C1orf87: variants seen among roughly 807,000 people sequenced by gnomAD.
The protein encoded by C1orf87 is uncharacterized protein C1orf87.
C1orf87 carries 58 observed loss-of-function variants against 60.5 expected under a neutral mutation model. That is an observed-to-expected ratio of 0.96 (90% CI 0.78 to 1.19). The LOEUF (loss-of-function observed/expected upper bound fraction) is 1.19, where lower values mean the gene tolerates loss of function less well. Among genes scored for constraint, C1orf87 ranks in the 50% most tolerant of loss-of-function variants. The pLI is 0.00. For missense variants in C1orf87, 673 were observed against 638.6 expected, an observed-to-expected ratio of 1.05 and a Z score of -0.58; for synonymous variants, 236 against 227.4, an observed-to-expected ratio of 1.04 and a Z score of -0.34.
intron 6 of C1orf87, 58 bp from the exon 7 acceptor site, chr1:60,033,699 A>C (rs1217793387): frequency 1.3e-6 from 2 of 1,545,376 alleles, no homozygotes; most frequent in Non-Finnish European, 1.8e-6. Context: ...AGGCAGCTGC[A>C]TGCTTTCCTA....
intron 11 of C1orf87, among the ~76,000 whole-genome samples, chr1:59,993,535 T>C (rs1200566733): frequency 2.6e-5 from 4 of 152,070 alleles, no homozygotes; most frequent in Non-Finnish European, 4.4e-5. Context: ...AAAATACATC[T>C]AGGAATCACA....
intron 2 of C1orf87, among the ~76,000 whole-genome samples, chr1:60,060,067 A>G (rs1408660591): frequency 6.6e-6 from 1 of 150,548 alleles, no homozygotes; most frequent in Non-Finnish European, 1.5e-5. Context: ...GTGTCAAAGT[A>G]TGAAGGTTTT....
Position 60,038,016 on chromosome 1 carries a change from TCA to T in C1orf87, c.837_838del (p.His282TrpfsTer4), listed in dbSNP as rs750451027. On this transcript the variant is annotated frameshift_variant, in exon 6 of 12. Transcript: ENST00000371201. LOFTEE classifies it high-confidence loss of function. Reference sequence around the variant, plus strand: ...CCTTTGGCTATGAGTGCCATGACTCTCAGTTTTTCTCAGGTCTGCAGCTGCTT... The same window carrying T: ...CCTTTGGCTATGAGTGCCATGACTCTGTTTTTCTCAGGTCTGCAGCTGCTT... 6.2e-7 allele frequency: 1 copy of T among 1,610,236 alleles called. No homozygotes were observed. The highest frequency in any genetic ancestry group is 8.5e-7 in the Non-Finnish European group (1 of 1,177,146).
intron 2 of C1orf87, among the ~76,000 whole-genome samples, chr1:60,070,518 T>A (rs555319758): frequency 1.3e-5 from 2 of 152,298 alleles, no homozygotes; most frequent in South Asian, 4.1e-4. Flanking sequence ...GGCGGCACTT[T>A]CCTTACCTGA....
At chr1:60,066,505 T>C (rs1197138509) in intron 2 of C1orf87, among the ~76,000 whole-genome samples, 1 of 152,116 alleles carries the variant, frequency 6.6e-6, no homozygotes, top group African/African-American at 2.4e-5. Context: ...AGAAATTCAG[T>C]CACATCTTCA....
intron 3 of C1orf87, among the ~76,000 whole-genome samples, chr1:60,050,702 T>A (rs1376022533): frequency 6.6e-6 from 1 of 152,110 alleles, no homozygotes; most frequent in South Asian, 2.1e-4. Flanking sequence ...CAGTGGGCAC[T>A]CTTAACTTCT....
chr1:60,053,890 C>T (rs144548184), intron 3 of C1orf87, among the ~76,000 whole-genome samples: 1 of 152,204 alleles, frequency 6.6e-6, no homozygotes, highest in African/African-American at 2.4e-5. Context: ...TCATCTATGC[C>T]ATGGTGGTAG....
intron 8 of C1orf87, among the ~76,000 whole-genome samples, chr1:60,020,163 T>A (rs1351940487): frequency 6.6e-6 from 1 of 152,178 alleles, no homozygotes; most frequent in African/African-American, 2.4e-5. Flanking sequence ...AAAAATAGTT[T>A]CGTGGGCTGG....
intron 3 of C1orf87, among the ~76,000 whole-genome samples, chr1:60,044,106 T>G (rs1645347967): frequency 6.6e-6 from 1 of 152,226 alleles, no homozygotes; most frequent in African/African-American, 2.4e-5. Flanking sequence ...CTCGGCTCAC[T>G]GCAAGCTCTG....
chr1:60,022,527 C>T (rs1024065559), intron 8 of C1orf87, among the ~76,000 whole-genome samples: 7 of 152,208 alleles, frequency 4.6e-5, no homozygotes, highest in South Asian at 2.1e-4. Context: ...CAAGACCCAT[C>T]GTGGATGCCT....
At chr1:60,043,042 G>A (rs1219433336) in intron 3 of C1orf87, among the ~76,000 whole-genome samples, 1 of 152,204 alleles carries the variant, frequency 6.6e-6, no homozygotes, top group Non-Finnish European at 1.5e-5. Flanking sequence ...GAGAGGACAA[G>A]AGGATTACAG....
In C1orf87 at chr1:60,050,056, G is replaced by A. The variant is rs116267332; in HGVS notation, c.342+5148C>T. Reference sequence around the variant, plus strand: ...TGGTATCTTACCCATTATTCATAGTGCTGCTCTCCTTTTCAGGGTTTTCTT... The same window carrying A: ...TGGTATCTTACCCATTATTCATAGTACTGCTCTCCTTTTCAGGGTTTTCTT... On this transcript the variant is annotated intron_variant, in intron 3 of 11. Transcript: ENST00000371201. Among the ~76,000 whole-genome samples the A allele has an allele frequency of 8.4e-3, 1,284 of 152,078 alleles. 21 individuals are homozygous for A. Among genetic ancestry groups the A allele is most frequent in the African/African-American group, 0.03 (1,233 of 41,520 alleles).
At chr1:60,001,254 A>C in intron 9 of C1orf87, 98 bp from the exon 10 acceptor site, 2 of 880,998 alleles carry the variant, frequency 2.3e-6, no homozygotes, top group Non-Finnish European at 3.3e-6. Context: ...AACAACAAAA[A>C]AATGGAGGCT....
At chr1:60,066,601 A>T (rs1645547749) in intron 2 of C1orf87, among the ~76,000 whole-genome samples, 2 of 152,070 alleles carry the variant, frequency 1.3e-5, no homozygotes, top group South Asian at 4.1e-4. Context: ...CCTCAAAGTC[A>T]TCCATGAGGG....
intron 8 of C1orf87, among the ~76,000 whole-genome samples, chr1:60,012,089 T>A (rs561426903): frequency 6.6e-6 from 1 of 152,026 alleles, no homozygotes; most frequent in Non-Finnish European, 1.5e-5. Context: ...AATGGAAGCA[T>A]CTCCTGTCTT....
chr1:60,068,137 G>A (rs183486516), intron 2 of C1orf87, among the ~76,000 whole-genome samples: 1 of 152,186 alleles, frequency 6.6e-6, no homozygotes, highest in African/African-American at 2.4e-5. Flanking sequence ...CCTAAAATGT[G>A]GCATCCAGAA....
chr1:60,046,051 T>C (rs1458863965), intron 3 of C1orf87, among the ~76,000 whole-genome samples: 7 of 152,128 alleles, frequency 4.6e-5, no homozygotes. Flanking sequence ...TTAATATCTC[T>C]TACACCTTTT....
intron 8 of C1orf87, among the ~76,000 whole-genome samples, chr1:60,012,795 TG>T (rs1177101065): frequency 6.6e-6 from 1 of 152,130 alleles, no homozygotes; most frequent in Non-Finnish European, 1.5e-5. Context: ...AACCATCTTA[TG>T]GGGCATGTAA....
rs1468282142 is a variant in C1orf87, at chr1:60,039,927, G to C, written c.737C>G (p.Ser246Cys). Residue 246 changes from serine to cysteine, a missense_variant, in exon 5 of 12, where the codon TCT becomes TGT. Ser to Cys is a moderately radical substitution (Grantham distance 112). Transcript: ENST00000371201. ...GTACAATTGCCATACCATTTCAGGA[G>C]AACCCCTCTTAGAAAATCTCTGACA... Reference protein sequence around the residue: ...ILCQRFSKRGSPEMVNYEKLL... With the variant: ...ILCQRFSKRGCPEMVNYEKLL... 6.2e-7 allele frequency: 1 copy of C among 1,613,426 alleles called. No individual in the cohort carries two copies. The highest frequency in any genetic ancestry group is 2.2e-5 in the East Asian group (1 of 44,884).
Sources: allele counts gnomAD v4.1 joint callset (sites outside exome capture counted in the v4.1 genomes callset), GRCh38; gene constraint gnomAD v4.1.1; transcripts MANE v1.5; gene names NCBI Gene and HGNC (gene_info 2026-07-23, HGNC 2026-07-21).